ADGRL1: variants seen among roughly 807,000 people sequenced by gnomAD.
The protein encoded by ADGRL1 is CIRL-1.
A neutral mutation model predicts 148.9 loss-of-function variants in ADGRL1; 31 were observed. The observed-to-expected ratio is 0.21, with a 90% CI of 0.16 to 0.28. The LOEUF (loss-of-function observed/expected upper bound fraction) is 0.28. ADGRL1 is among the 10% of genes least tolerant of loss of function. The pLI, the probability that ADGRL1 is intolerant of heterozygous loss-of-function variation, is 1.00. For missense variants in ADGRL1, 1,521 were observed against 2,058.8 expected (o/e 0.74, Z 5.05); for synonymous variants, 937 against 900.3 (o/e 1.04, Z -0.73).
chr19:14,172,916 A>C (rs770563390), intron 3 of ADGRL1, among the ~76,000 whole-genome samples: 1 of 152,096 alleles, frequency 6.6e-6, no homozygotes, highest in Non-Finnish European at 1.5e-5. Context: ...TACTACTAAA[A>C]ATTATTATTG....
At chr19:14,183,863 C>A (rs563360025) in intron 1 of ADGRL1, among the ~76,000 whole-genome samples, 166 bp from the exon 2 acceptor site, 4 of 152,184 alleles carry the variant, frequency 2.6e-5, no homozygotes, top group Non-Finnish European at 4.4e-5. Context: ...CCACACCCCC[C>A]ACCCTTACAC....
Position 14,152,481 on chromosome 19 carries a change from G to A in ADGRL1, c.3520+36C>T, listed in dbSNP as rs775061382. 3 of 1,611,222 alleles carry A rather than the reference G, an allele frequency of 1.9e-6. No homozygotes were observed. Among genetic ancestry groups the A allele is most frequent in the Non-Finnish European group, 2.5e-6 (3 of 1,177,606 alleles). On this transcript the variant is annotated intron_variant, in intron 20 of 22. Coordinates refer to ENST00000361434, the MANE Select transcript of ADGRL1 (RefSeq NM_014921.5). The surrounding 1 kb of genome is among the most constrained non-coding windows in gnomAD (Gnocchi z 6.1). ...GTCACAAGGCAGCCGGGAGCCTCCAGAGACTGAAGCCAGAGGCAGAAGGAT... is the reference window on the plus strand; with the variant it reads ...GTCACAAGGCAGCCGGGAGCCTCCAAAGACTGAAGCCAGAGGCAGAAGGAT...
At position 14,160,238 on chromosome 19, in the gene ADGRL1, G is replaced by C. The variant is rs1421335011; in HGVS notation, c.1674C>G (p.Gly558=). 1 of 1,599,066 alleles carries C rather than the reference G, an allele frequency of 6.3e-7. No individual in the cohort carries two copies. The highest frequency in any genetic ancestry group is 8.6e-7 in the Non-Finnish European group (1 of 1,167,662). The change falls in exon 8 of 23, where the codon GGC becomes GGG. Residue 558 remains glycine (G), a synonymous_variant. Transcript: ENST00000361434. This position sits in a 1 kb window ranked among gnomAD's most constrained non-coding sequence, Gnocchi z 5.9. ...IASELARHTR[G]SIYAGDVSSS... ...AGGAGACGTCCCCCGCGTAGATGGA[G>C]CCCCGGGTGTGTCGGGCCAGCTCGC... is the stretch of plus-strand genomic sequence containing the variant.
intron 18 of ADGRL1, among the ~76,000 whole-genome samples, chr19:14,153,837 G>A (rs1968460968): frequency 6.6e-6 from 1 of 151,742 alleles, no homozygotes; most frequent in African/African-American, 2.4e-5. Flanking sequence ...TGTAATCCCA[G>A]CTAGTTGGCA....
rs1324017098 is a variant in ADGRL1 at position 14,183,568 on chromosome 19, C to G, written c.35G>C (p.Cys12Ser). 6.3e-7 allele frequency: 1 copy of G among 1,585,170 alleles called. No homozygotes were observed. The highest frequency in any genetic ancestry group is 1.3e-5 in the African/African-American group (1 of 74,344). The change falls in exon 2 of 23, where the codon TGT (cysteine) becomes TCT (serine). Residue 12 changes from cysteine to serine, a missense_variant. Around this residue, in one of 8 missense-constraint regions of ADGRL1, gnomAD observed 334 missense variants for 512.5 expected, o/e 0.65. Coordinates refer to ENST00000361434, the MANE Select transcript of ADGRL1 (RefSeq NM_014921.5). ...ARLAAVLWNL[C>S]VTAVLVTSAT... Reference sequence around the variant, plus strand: ...CGAGGTGACCAGGACGGCGGTGACACACAGATTCCAGAGCACTGCGGCTAG... The same window carrying G: ...CGAGGTGACCAGGACGGCGGTGACAGACAGATTCCAGAGCACTGCGGCTAG...
Position 14,160,057 on chromosome 19 carries a change from CCCCTGGGGGCAGGCGCCCTCCCCATA to C in ADGRL1, c.1800+29_1800+54del. 6.6e-7 allele frequency: 1 copy of C among 1,515,748 alleles called. No individual in the cohort carries two copies. Among genetic ancestry groups the C allele is most frequent in the Non-Finnish European group, 8.9e-7 (1 of 1,126,200 alleles). The allele number at this position is 1,515,748 out of a possible 1,614,324, so 93.9% of individuals were successfully genotyped here. On this transcript the variant is annotated intron_variant, in intron 8 of 22. Coordinates refer to ENST00000361434, the MANE Select transcript of ADGRL1 (RefSeq NM_014921.5). The surrounding 1 kb of genome is among the most constrained non-coding windows in gnomAD (Gnocchi z 5.9). ...GGTACCAGGTCAGGTACTTCCCAAG[CCCCTGGGGGCAGGCGCCCTCCCCATA>C]CCAGGTCAGCGCCACCGCCAGGCCC...
rs913373717 is a variant in ADGRL1 at position 14,160,202 on chromosome 19, C to T, written c.1710G>A (p.Lys570=). Reference sequence around the variant, plus strand: ...GGATGTCCAGCAGCTGCTCCATCAGCTTCACAGAGGAGGAGACGTCCCCCG... The same window carrying T: ...GGATGTCCAGCAGCTGCTCCATCAGTTTCACAGAGGAGGAGACGTCCCCCG... ...IYAGDVSSSV[K]LMEQLLDILD... Residue 570 remains lysine, a synonymous_variant, in exon 8 of 23, where the codon AAG becomes AAA. Transcript: ENST00000361434. This position sits in a 1 kb window ranked among gnomAD's most constrained non-coding sequence, Gnocchi z 5.9. The T allele has an allele frequency of 6.2e-7, 1 of 1,602,470 alleles. No homozygotes were observed. Among genetic ancestry groups the T allele is most frequent in the African/African-American group, 1.3e-5 (1 of 74,726 alleles).
At chr19:14,166,582 A>AAGAGAG (rs3036177) in intron 4 of ADGRL1, among the ~76,000 whole-genome samples, 13 of 146,496 alleles carry the variant, frequency 8.9e-5, no homozygotes, top group Non-Finnish European at 1.8e-4. Flanking sequence ...GAGAGAGAGA[A>AAGAGAG]AGAGAGAGAG....
rs766648917 is a variant in ADGRL1 at position 14,151,573 on chromosome 19, A to G, written c.3710T>C (p.Leu1237Pro). 4.4e-6 allele frequency: 7 copies of G among 1,609,094 alleles called. No homozygotes were observed. The highest frequency in any genetic ancestry group is 4.2e-6 in the Non-Finnish European group (5 of 1,179,216). ...GTTATTGAAGTTGCCGTTCAGGGGC[A>G]GGGTGTCCATGCCACAGGCTTCCCG... ...GGREACGMDT[L>P]PLNGNFNNSY... Residue 1237 changes from leucine to proline, a missense_variant, in exon 23 of 23, where the codon CTG becomes CCG. Coordinates refer to ENST00000361434, the MANE Select transcript of ADGRL1 (RefSeq NM_014921.5).
intron 1 of ADGRL1, among the ~76,000 whole-genome samples, chr19:14,205,321 T>C (rs1355732284): frequency 6.6e-6 from 1 of 151,802 alleles, no homozygotes; most frequent in Non-Finnish European, 1.5e-5. Context: ...TCCCGTGCTT[T>C]AACCCGGCAC....
Position 14,157,764 on chromosome 19 carries a change from C to T in ADGRL1, c.2535+118G>A. 3 of 1,274,972 alleles carry T rather than the reference C, an allele frequency of 2.4e-6. No homozygotes were observed. The highest frequency in any genetic ancestry group is 3.2e-6 in the Non-Finnish European group (3 of 937,688). 79.0% of individuals were successfully genotyped at this position (1,274,972 alleles called of 1,614,324 possible). Reference sequence around the variant, plus strand: ...CTCATGCCCCAGGCAAGACCAGGGGCCCCCCACACCCATGGGGCTAGCCTC... The same window carrying T: ...CTCATGCCCCAGGCAAGACCAGGGGTCCCCCACACCCATGGGGCTAGCCTC... On this transcript the variant is annotated intron_variant, in intron 13 of 22. Coordinates refer to ENST00000361434, the MANE Select transcript of ADGRL1 (RefSeq NM_014921.5). The surrounding 1 kb of genome is among the most constrained non-coding windows in gnomAD (Gnocchi z 7.5).
At position 14,161,711 on chromosome 19, in the gene ADGRL1, A is replaced by G; in HGVS notation, c.1196-85T>C. 2 of 980,672 alleles carry G rather than the reference A, an allele frequency of 2.0e-6. No individual in the cohort carries two copies. Among genetic ancestry groups the G allele is most frequent in the Non-Finnish European group, 1.4e-6 (1 of 734,958 alleles). 60.7% of individuals were successfully genotyped at this position (980,672 alleles called of 1,614,324 possible). On this transcript the variant is annotated intron_variant, in intron 5 of 22. Coordinates refer to ENST00000361434, the MANE Select transcript of ADGRL1 (RefSeq NM_014921.5). This position sits in a 1 kb window ranked among gnomAD's most constrained non-coding sequence, Gnocchi z 4.4. ...TGGGCAGGGGGTCCCAGGCCATCTT[A>G]GCATCTTCCTCATCTACTGAAGTGG...
chr19:14,167,122 C>A, intron 4 of ADGRL1: 1 of 1,144,342 alleles, frequency 8.7e-7, no homozygotes, highest in Non-Finnish European at 1.3e-6. Flanking sequence ...AAATTGCTTT[C>A]GTTTCTTTTC....
At chr19:14,168,090 C>G (rs1347624723) in intron 4 of ADGRL1, among the ~76,000 whole-genome samples, 2 of 152,138 alleles carry the variant, frequency 1.3e-5, no homozygotes, top group Non-Finnish European at 2.9e-5. Flanking sequence ...GGGGTCACCC[C>G]CAGCCTCTGA....
chr19:14,184,646 A>ATTTTTTTT lies in ADGRL1; in HGVS notation c.-95-957_-95-950dup, dbSNP rs368698858. Among the ~76,000 whole-genome samples, 653 of 97,698 alleles carry ATTTTTTTT rather than the reference A, an allele frequency of 6.7e-3. 10 individuals are homozygous for ATTTTTTTT. Among genetic ancestry groups the ATTTTTTTT allele is most frequent in the African/African-American group, 0.016 (382 of 24,040 alleles). 64.1% of individuals were successfully genotyped at this position (97,698 alleles called of 152,430 possible). A position where few individuals can be genotyped will look rare whatever the true frequency, so the allele number is the denominator to read the frequency against. Reference sequence around the variant, plus strand: ...TATTTATTTATTTATTTATTTATTTATTTTTTTTTCTGAGACGGAGTCGTG... The same window carrying ATTTTTTTT: ...TATTTATTTATTTATTTATTTATTTATTTTTTTTTTTTTTTTTCTGAGACGGAGTCGTG... On this transcript the variant is annotated intron_variant, in intron 1 of 22. Coordinates refer to ENST00000361434, the MANE Select transcript of ADGRL1 (RefSeq NM_014921.5).
chr19:14,165,230 G>A lies in ADGRL1; in HGVS notation c.395-1824C>T, dbSNP rs145245775. 4.9e-4 allele frequency among the ~76,000 whole-genome samples: 74 copies of A among 152,342 alleles called. No homozygotes were observed. The East Asian group carries it at 0.014, about 28-fold the overall frequency. On this transcript the variant is annotated intron_variant, in intron 4 of 22. Transcript: ENST00000361434. Reference sequence around the variant, plus strand: ...AGAGGAGCCTGGGACATAGAGCTGGGCAGGAGCCAAAACGACCCTGGCTTG... The same window carrying A: ...AGAGGAGCCTGGGACATAGAGCTGGACAGGAGCCAAAACGACCCTGGCTTG...
chr19:14,156,875 C>A, intron 15 of ADGRL1, 50 bp downstream of exon 15: 1 of 1,592,164 alleles, frequency 6.3e-7, no homozygotes, highest in Non-Finnish European at 8.5e-7. Context: ...GGGGTGCCGC[C>A]CAGCAGGGAA....
rs962041801 is a variant in ADGRL1, at chr19:14,183,382, G to A, written c.70+151C>T. The stretch of plus-strand genomic sequence containing the variant: ...GCACTGGGGTGTGTGTTACCCCTGA[G>A]TCTTCCACTGGCCTGCTCCAGCTGA... On this transcript the variant is annotated intron_variant, in intron 2 of 22. Transcript: ENST00000361434. 3 of 686,876 alleles carry A rather than the reference G, an allele frequency of 4.4e-6. No homozygotes were observed. The Admixed American group carries it at 8.2e-5, about 19-fold the overall frequency. The allele number at this position is 686,876 out of a possible 1,614,324, so 42.5% of individuals were successfully genotyped here.
At chr19:14,188,300 C>G (rs551910076) in intron 1 of ADGRL1, among the ~76,000 whole-genome samples, 3 of 152,080 alleles carry the variant, frequency 2.0e-5, no homozygotes, top group Non-Finnish European at 4.4e-5. Context: ...TACACGTACA[C>G]GCTGGGCCAA....
Sources: gnomAD v4.1 joint callset for allele counts (sites outside exome capture counted in the v4.1 genomes callset) on GRCh38, gnomAD v4.1.1 for gene constraint, gnomAD v4.1.1 regional missense constraint, Gnocchi (gnomAD v3.1) non-coding constraint, MANE v1.5 for transcripts, NCBI Gene and HGNC (gene_info 2026-07-23, HGNC 2026-07-21) for gene names.